CDKAL1: variants seen among roughly 807,000 people sequenced by gnomAD.
CDKAL1 encodes CDKAL1 threonylcarbamoyladenosine tRNA methylthiotransferase.
CDKAL1 carries 32 observed loss-of-function variants against 68.2 expected under a neutral mutation model. The observed-to-expected ratio is 0.47, with a 90% confidence interval of 0.35 to 0.63. CDKAL1 has a LOEUF of 0.63. Among genes scored for constraint, CDKAL1 ranks in the 30% least tolerant of loss-of-function variants. CDKAL1 has a pLI of 0.00. For synonymous variants in CDKAL1, 234 were observed against 244.3 expected (o/e 0.96, Z 0.39); for missense variants, 606 against 696.7 (o/e 0.87, Z 1.47).
intron 13 of CDKAL1, among the ~76,000 whole-genome samples, chr6:21,184,151 C>A (rs1168479188): frequency 6.6e-6 from 1 of 151,398 alleles, no homozygotes; most frequent in African/African-American, 2.4e-5. Flanking sequence ...GATAACAGGC[C>A]CTAAAAAAAT....
At chr6:21,094,275 T>C (rs1212658128) in intron 12 of CDKAL1, among the ~76,000 whole-genome samples, 3 of 152,038 alleles carry the variant, frequency 2.0e-5, no homozygotes, top group African/African-American at 4.8e-5. Flanking sequence ...GACATGTTAC[T>C]TGGCAATATG....
intron 9 of CDKAL1, among the ~76,000 whole-genome samples, chr6:20,878,700 C>T (rs1449398961): frequency 6.6e-6 from 1 of 152,016 alleles, no homozygotes; most frequent in Non-Finnish European, 1.5e-5. Flanking sequence ...CATGCCACTG[C>T]ACTCCAGCCT....
chr6:21,173,881 G>A (rs1038309507), intron 13 of CDKAL1, among the ~76,000 whole-genome samples: 13 of 152,108 alleles, frequency 8.5e-5, no homozygotes, highest in Non-Finnish European at 1.9e-4. Flanking sequence ...ACCAGCCTGG[G>A]CAACATAGTG....
chr6:20,849,510 G>T (rs373375081), intron 9 of CDKAL1, among the ~76,000 whole-genome samples: 3 of 151,686 alleles, frequency 2.0e-5, no homozygotes, highest in African/African-American at 7.3e-5. Flanking sequence ...GTGAACCCGG[G>T]AGGCGGAGCT....
At chr6:21,081,679 C>T (rs1772413079) in intron 12 of CDKAL1, among the ~76,000 whole-genome samples, 1 of 150,892 alleles carries the variant, frequency 6.6e-6, no homozygotes, top group African/African-American at 2.4e-5. Flanking sequence ...TCAAGCAATT[C>T]TCCTGCCTCA....
At chr6:21,027,723 T>C (rs768185288) in intron 11 of CDKAL1, among the ~76,000 whole-genome samples, 20 of 152,204 alleles carry the variant, frequency 1.3e-4, no homozygotes, top group Non-Finnish European at 2.6e-4. Context: ...GACTTCCCAG[T>C]CACCAGAACT....
At chr6:21,107,003 A>G (rs60248721) in intron 12 of CDKAL1, among the ~76,000 whole-genome samples, 23,542 of 144,854 alleles carry the variant, frequency 0.16, 2,090 homozygotes, top group East Asian at 0.26. Context: ...GCTGCAGTGC[A>G]GTGGCACTAT....
chr6:20,594,433 C>T (rs1424188322), intron 4 of CDKAL1, among the ~76,000 whole-genome samples: 8 of 152,006 alleles, frequency 5.3e-5, no homozygotes. Context: ...TTATGTAATG[C>T]CCTTTTCTCT....
intron 13 of CDKAL1, among the ~76,000 whole-genome samples, chr6:21,124,476 A>G (rs192557796): frequency 2.6e-5 from 4 of 152,088 alleles, no homozygotes; most frequent in Admixed American, 2.6e-4. Flanking sequence ...CCAGGACTGA[A>G]TTCATCACTG....
At chr6:20,665,336 AAG>A (rs201802564) in intron 5 of CDKAL1, among the ~76,000 whole-genome samples, 1,856 of 152,182 alleles carry the variant, frequency 0.012, 13 homozygotes, top group Non-Finnish European at 0.018. Flanking sequence ...TAAGGAAAAA[AAG>A]AAAAAATTGT....
chr6:21,028,763 T>C (rs573288613), intron 11 of CDKAL1, among the ~76,000 whole-genome samples: 1 of 152,270 alleles, frequency 6.6e-6, no homozygotes, highest in African/African-American at 2.4e-5. Context: ...GATTAAAAAA[T>C]AGAGACTTAA....
chr6:21,189,481 A>G (rs781619558), intron 13 of CDKAL1, among the ~76,000 whole-genome samples: 3 of 152,174 alleles, frequency 2.0e-5, no homozygotes, highest in East Asian at 1.9e-4. Flanking sequence ...ACAGAGGACA[A>G]TGTTTTCAAA....
intron 12 of CDKAL1, among the ~76,000 whole-genome samples, chr6:21,078,126 T>G (rs376414040): frequency 6.6e-6 from 1 of 152,210 alleles, no homozygotes; most frequent in African/African-American, 2.4e-5. Context: ...TTCAGATTTC[T>G]CACCTCCAGA....
chr6:21,041,840 T>C (rs1020674070), intron 11 of CDKAL1, among the ~76,000 whole-genome samples: 14 of 152,152 alleles, frequency 9.2e-5, no homozygotes, highest in Non-Finnish European at 1.9e-4. Context: ...AAAGAAACAT[T>C]TCCTTCATGT....
At chr6:20,974,537 A>G (rs1344528645) in intron 10 of CDKAL1, among the ~76,000 whole-genome samples, 2 of 152,206 alleles carry the variant, frequency 1.3e-5, no homozygotes, top group African/African-American at 4.8e-5. Context: ...TCTCAGGCTC[A>G]CTTTAATATT....
At chr6:21,008,921 T>C (rs954384140) in intron 11 of CDKAL1, among the ~76,000 whole-genome samples, 11 of 152,144 alleles carry the variant, frequency 7.2e-5, no homozygotes, top group African/African-American at 2.7e-4. Flanking sequence ...AGTGATACAT[T>C]CCTTTTAATA....
intron 9 of CDKAL1, among the ~76,000 whole-genome samples, chr6:20,874,333 G>A (rs894641569): frequency 6.6e-6 from 1 of 151,050 alleles, no homozygotes; most frequent in Non-Finnish European, 1.5e-5. Context: ...ATGGAGTCTC[G>A]CCCTGTCGTC....
chr6:20,825,496 C>A (rs1255533115), intron 8 of CDKAL1, among the ~76,000 whole-genome samples: 4 of 151,996 alleles, frequency 2.6e-5, no homozygotes, highest in Admixed American at 6.6e-5. Context: ...AAGATATAGA[C>A]AGAAATAGAA....
At chr6:20,795,896 G>A (rs951465450) in intron 8 of CDKAL1, among the ~76,000 whole-genome samples, 2 of 152,172 alleles carry the variant, frequency 1.3e-5, no homozygotes, top group African/African-American at 4.8e-5. Context: ...GAAAGAGATT[G>A]GAACTAGTAG....
Sources: allele counts gnomAD v4.1 joint callset (sites outside exome capture counted in the v4.1 genomes callset), GRCh38; gene constraint gnomAD v4.1.1; transcripts MANE v1.5; gene names NCBI Gene and HGNC (gene_info 2026-07-23, HGNC 2026-07-21).